TM4SF18: variants seen among roughly 807,000 people sequenced by gnomAD.
TM4SF18 encodes transmembrane 4 L6 family member 18.
Under a neutral mutation model 23.8 loss-of-function variants are expected in TM4SF18, and 22 were observed. That is an observed-to-expected ratio of 0.92 (90% CI 0.66 to 1.32). The LOEUF (loss-of-function observed/expected upper bound fraction) is 1.32, where lower values mean the gene tolerates loss of function less well. Among genes scored for constraint, TM4SF18 ranks in the 40% most tolerant of loss-of-function variants. The pLI is 0.00. For missense variants in TM4SF18, 255 were observed against 240.3 expected (o/e 1.06, Z -0.41); for synonymous variants, 87 against 87.9 (o/e 0.99, Z 0.06).
intron 3 of TM4SF18, among the ~76,000 whole-genome samples, chr3:149,328,653 T>C (rs569748304): frequency 1.1e-4 from 17 of 152,348 alleles, no homozygotes; most frequent in Admixed American, 8.5e-4. Flanking sequence ...CTGAGAATTA[T>C]TGCCCTACTT....
intron 3 of TM4SF18, among the ~76,000 whole-genome samples, chr3:149,327,257 A>G (rs1477286874): frequency 6.6e-6 from 1 of 152,156 alleles, no homozygotes; most frequent in African/African-American, 2.4e-5. Flanking sequence ...GCCAGAAACT[A>G]TTTTTTAAAC....
chr3:149,319,813 C>T lies in TM4SF18; in HGVS notation c.*1665G>A, dbSNP rs1730764474. On this transcript the variant is annotated 3_prime_UTR_variant, in exon 6 of 6. Transcript: ENST00000296059. ...TTTGATGGTAATGGTCCGGTTGCTT[C>T]ATTCTTGGCTTCCTAGTTCAAATTC... 6.6e-6 allele frequency: 1 copy of T among 152,222 alleles called. No homozygotes were observed. The allele number at this position is 152,222 out of a possible 1,614,324, so 9.4% of individuals were successfully genotyped here. A position where few individuals can be genotyped will look rare whatever the true frequency, so the allele number is the denominator to read the frequency against.
In TM4SF18 at chr3:149,330,340, T is replaced by C; in HGVS notation, c.257A>G (p.Lys86Arg). The change falls in exon 3 of 6, where the codon AAA becomes AGA. Residue 86 changes from lysine (K) to arginine (R), a missense_variant. Lys to Arg is a conservative substitution (Grantham distance 26). Transcript: ENST00000296059. The stretch of plus-strand genomic sequence containing the variant: ...AACTGTTGCTCTTACCACATATTTT[T>C]TGCTGCAGTTTTCACTCTGGCAACA... Reference protein sequence around the residue: ...YKCCQSENCSKKYVTLLSIIF... With the variant: ...YKCCQSENCSRKYVTLLSIIF... 1 of 1,611,644 alleles carries C rather than the reference T, an allele frequency of 6.2e-7. No homozygotes were observed. Among genetic ancestry groups the C allele is most frequent in the South Asian group, 1.1e-5 (1 of 90,678 alleles).
intron 3 of TM4SF18, among the ~76,000 whole-genome samples, chr3:149,325,410 C>T (rs1202421105): frequency 6.6e-6 from 1 of 152,124 alleles, no homozygotes; most frequent in African/African-American, 2.4e-5. Flanking sequence ...AAGCTATGAC[C>T]TCTGCTTTCC....
At chr3:149,332,806 T>C (rs1437383136) in intron 2 of TM4SF18, among the ~76,000 whole-genome samples, 1 of 152,014 alleles carries the variant, frequency 6.6e-6, no homozygotes, top group Non-Finnish European at 1.5e-5. Context: ...AAGTCTCTGC[T>C]TTTTTTTCAT....
chr3:149,324,916 T>A lies in TM4SF18; in HGVS notation c.374A>T (p.Asp125Val). The change falls in exon 4 of 6, where the codon GAT becomes GTT. Residue 125 changes from aspartate to valine, a missense_variant. Physicochemically the swap from Asp to Val is radical, Grantham distance 152 (BLOSUM62 -3). Transcript: ENST00000296059. ...GCCTTCAAAAGCATACTCCCAGCCA[T>A]CAAGGGTGCGGCAATATGGCCCTTG... Reference protein sequence around the residue: ...LVQGPYCRTLDGWEYAFEGTA... With the variant: ...LVQGPYCRTLVGWEYAFEGTA... The A allele has an allele frequency of 6.2e-7, 1 of 1,614,064 alleles. No homozygotes were observed. The highest frequency in any genetic ancestry group is 8.5e-7 in the Non-Finnish European group (1 of 1,180,002).
At chr3:149,322,905 CTTT>C (rs34338382) in intron 4 of TM4SF18, among the ~76,000 whole-genome samples, 13 of 128,746 alleles carry the variant, frequency 1.0e-4, no homozygotes, top group East Asian at 2.2e-4. Context: ...GGCCTCCAGA[CTTT>C]TTTTTTTTTT....
rs374280069 is a variant in TM4SF18, at chr3:149,322,421, A to G, written c.426T>C (p.Ser142=). Residue 142 remains serine, a synonymous_variant, in exon 5 of 6, where the codon TCT becomes TCC. Coordinates refer to ENST00000296059, the MANE Select transcript of TM4SF18 (RefSeq NM_138786.4). ...GTTCCAGGCACTGAATCCATATGCT[A>G]GAATCTGTAAGGAAACTGAGAGAGA... The part of the protein sequence containing the change: ...EGTAGRFLTD[S]SIWIQCLEPA... 1.9e-6 allele frequency: 3 copies of G among 1,613,636 alleles called. No individual in the cohort carries two copies.
chr3:149,328,717 T>C (rs1279671676), intron 3 of TM4SF18, among the ~76,000 whole-genome samples: 1 of 152,182 alleles, frequency 6.6e-6, no homozygotes, highest in African/African-American at 2.4e-5. Flanking sequence ...CCTCCTTAGA[T>C]GGAAATTGTG....
chr3:149,322,282 A>T lies in TM4SF18; in HGVS notation c.565T>A (p.Cys189Ser). ...RVVMQLSKIL[C>S]GSYSVIFQPG... ...TGGAAGATCACTGAATAGCTTCCAC[A>T]CAGTATCTTGGATAGTTGCATGACT... The change falls in exon 5 of 6, where the codon TGT (cysteine) becomes AGT (serine). Residue 189 changes from cysteine to serine, a missense_variant. By Grantham distance (112) the Cys-to-Ser change is moderately radical (BLOSUM62 -1). Coordinates refer to ENST00000296059, the MANE Select transcript of TM4SF18 (RefSeq NM_138786.4). The T allele has an allele frequency of 6.2e-7, 1 of 1,613,694 alleles. No homozygotes were observed. The highest frequency in any genetic ancestry group is 8.5e-7 in the Non-Finnish European group (1 of 1,179,830).
rs576868515 is a variant in TM4SF18, at chr3:149,320,838, C to T, written c.*640G>A. On this transcript the variant is annotated 3_prime_UTR_variant, in exon 6 of 6. Transcript: ENST00000296059. Reference sequence around the variant, plus strand: ...AAAGTGGGAAGAAGGGTCATCAATGCCCCAAACCAAGCATAATTGGCATTT... The same window carrying T: ...AAAGTGGGAAGAAGGGTCATCAATGTCCCAAACCAAGCATAATTGGCATTT... 4 of 152,056 alleles carry T rather than the reference C, an allele frequency of 2.6e-5. No homozygotes were observed. In the East Asian group the frequency reaches 7.7e-4, roughly 29 times the overall value. The allele number at this position is 152,056 out of a possible 1,614,324, so 9.4% of individuals were successfully genotyped here.
chr3:149,320,592 A>C lies in TM4SF18; in HGVS notation c.*886T>G, dbSNP rs562442133. ...GAAGAGCAAGAGTTTAGATTGTATA[A>C]GTTTATATAAAACTCTTTTTGGCTC... On this transcript the variant is annotated 3_prime_UTR_variant, in exon 6 of 6. Transcript: ENST00000296059. The C allele has an allele frequency of 6.6e-6, 1 of 152,196 alleles. No individual in the cohort carries two copies. The highest frequency in any genetic ancestry group is 1.5e-5 in the Non-Finnish European group (1 of 68,036). The allele number at this position is 152,196 out of a possible 1,614,324, so 9.4% of individuals were successfully genotyped here.
intron 2 of TM4SF18, among the ~76,000 whole-genome samples, chr3:149,330,981 C>T (rs1002175872): frequency 6.6e-6 from 1 of 152,170 alleles, no homozygotes; most frequent in South Asian, 2.1e-4. Context: ...ATCAAGCCAA[C>T]AAAGTGGGAG....
intron 3 of TM4SF18, among the ~76,000 whole-genome samples, chr3:149,329,036 A>G (rs1171741542): frequency 6.6e-6 from 1 of 152,088 alleles, no homozygotes; most frequent in Non-Finnish European, 1.5e-5. Flanking sequence ...GTTTTCTAGA[A>G]ATTCTCTGAG....
chr3:149,326,840 C>A (rs937711338), intron 3 of TM4SF18, among the ~76,000 whole-genome samples: 1 of 152,208 alleles, frequency 6.6e-6, no homozygotes, highest in Admixed American at 6.5e-5. Flanking sequence ...CTTTGACATA[C>A]TCATGTCATT....
chr3:149,324,803 A>G, intron 4 of TM4SF18, 77 bp downstream of exon 4: 1 of 1,583,412 alleles, frequency 6.3e-7, no homozygotes, highest in Non-Finnish European at 8.6e-7. Flanking sequence ...TGATCATGGA[A>G]AATGAGCGTG....
At chr3:149,322,804 T>G (rs533300653) in intron 4 of TM4SF18, among the ~76,000 whole-genome samples, 2 of 152,248 alleles carry the variant, frequency 1.3e-5, no homozygotes, top group South Asian at 4.1e-4. Context: ...TGTTAATGGC[T>G]CTTGTCTCCA....
At chr3:149,328,938 G>A (rs1398579054) in intron 3 of TM4SF18, among the ~76,000 whole-genome samples, 1 of 152,046 alleles carries the variant, frequency 6.6e-6, no homozygotes, top group Non-Finnish European at 1.5e-5. Context: ...ACTATTTCTA[G>A]CATCTATTTG....
At position 149,319,661 on chromosome 3, in the gene TM4SF18, G is replaced by A. The variant is rs185916323; in HGVS notation, c.*1817C>T. The A allele has an allele frequency of 6.6e-6, 1 of 152,316 alleles. No homozygotes were observed. The highest frequency in any genetic ancestry group is 1.9e-4 in the East Asian group (1 of 5,178). 9.4% of individuals were successfully genotyped at this position (152,316 alleles called of 1,614,324 possible). On this transcript the variant is annotated 3_prime_UTR_variant, in exon 6 of 6. Transcript: ENST00000296059. Reference sequence around the variant, plus strand: ...AGGCCTAGGGTACACTGTTCATTGTGGGCAAAGGCAGTTTTAGGAGCTTTT... The same window carrying A: ...AGGCCTAGGGTACACTGTTCATTGTAGGCAAAGGCAGTTTTAGGAGCTTTT...
Sources: allele counts gnomAD v4.1 joint callset (sites outside exome capture counted in the v4.1 genomes callset), GRCh38; gene constraint gnomAD v4.1.1; transcripts MANE v1.5; gene names NCBI Gene and HGNC (gene_info 2026-07-23, HGNC 2026-07-21).